The following ARL15 variants were observed in gnomAD, a reference collection of about 807,000 sequenced individuals.
ARL15 encodes ARF like GTPase 15.
In ARL15, 19 loss-of-function variants were observed where a neutral mutation model predicts 25.2. That is an observed-to-expected ratio of 0.75 (90% CI 0.53 to 1.10). The LOEUF is 1.10. Among genes scored for constraint, ARL15 ranks in the 50% least tolerant of loss-of-function variants. The pLI is 0.00. For missense variants in ARL15, 220 were observed against 246.0 expected (o/e 0.89, Z 0.71); for synonymous variants, 94 against 86.8 (o/e 1.08, Z -0.46).
Position 54,113,013 on chromosome 5 carries a change from G to A in ARL15, c.462+189C>T, listed in dbSNP as rs377279846. On this transcript the variant is annotated intron_variant, in intron 4 of 4. Transcript: ENST00000504924. ...AGCTAGAAAACTCTGTGCTCTCCAA[G>A]TAGGGTTAGGTATGTAAACAAGTGC... 211 of 566,956 alleles carry A rather than the reference G, an allele frequency of 3.7e-4. 4 individuals carry two copies. The South Asian group carries it at 4.7e-3, about 13-fold the overall frequency. The allele number at this position is 566,956 out of a possible 1,614,324, so 35.1% of individuals were successfully genotyped here.
At chr5:53,893,326 G>T (rs1016875381) in intron 4 of ARL15, among the ~76,000 whole-genome samples, 5 of 126,728 alleles carry the variant, frequency 3.9e-5, no homozygotes, top group African/African-American at 1.3e-4. Flanking sequence ...ACACATTTAG[G>T]CTGGGCACGG....
In ARL15 at chr5:53,971,479, G is replaced by A. The variant is rs76035859; in HGVS notation, c.463-84766C>T. On this transcript the variant is annotated intron_variant, in intron 4 of 4. Coordinates refer to ENST00000504924, the MANE Select transcript of ARL15 (RefSeq NM_019087.3). ...AATAATAACAAAAATACTCAGAAGT[G>A]ACCAATGCTATCTCTGTAGCACTAA... Among the ~76,000 whole-genome samples, 250 of 152,196 alleles carry A rather than the reference G, an allele frequency of 1.6e-3. 5 individuals are homozygous for A. In the East Asian group the frequency reaches 0.04, roughly 24 times the overall value.
chr5:54,015,582 T>C lies in ARL15; in HGVS notation c.462+97620A>G, dbSNP rs535118187. Among the ~76,000 whole-genome samples the C allele has an allele frequency of 1.1e-4, 17 of 152,354 alleles. No individual in the cohort carries two copies. The South Asian group carries it at 3.3e-3, about 30-fold the overall frequency. On this transcript the variant is annotated intron_variant, in intron 4 of 4. Transcript: ENST00000504924. ...TTAGAGTTGGGACACTTTTTAATAA[T>C]GTTACCTTAATCATTCCACTATTGA... is the stretch of plus-strand genomic sequence containing the variant.
intron 3 of ARL15, among the ~76,000 whole-genome samples, chr5:54,136,815 C>T (rs1421175041): frequency 6.6e-6 from 1 of 151,746 alleles, no homozygotes; most frequent in East Asian, 1.9e-4. Context: ...CATAGTACTG[C>T]CAGGACTGTC....
At chr5:53,912,749 T>C (rs1470158648) in intron 4 of ARL15, among the ~76,000 whole-genome samples, 1 of 152,158 alleles carries the variant, frequency 6.6e-6, no homozygotes, top group African/African-American at 2.4e-5. Flanking sequence ...CCCTCAGTGA[T>C]CTGAATTCAA....
intron 1 of ARL15, among the ~76,000 whole-genome samples, chr5:54,235,489 T>C (rs1450909133): frequency 7.9e-6 from 1 of 126,392 alleles, no homozygotes; most frequent in Non-Finnish European, 1.7e-5. Context: ...AATTCTATAG[T>C]TAAACCTTTT....
Position 54,113,311 on chromosome 5 carries a change from G to C in ARL15, c.353C>G (p.Ala118Gly). ...DSASSEDDLE[A>G]ARNELHSALQ... ...AGCTGAGTGCAGCTCATTTCTAGCA[G>C]CTTCTAAATCATCCTCTGAAGAGGC... The change falls in exon 4 of 5, where the codon GCT becomes GGT. Residue 118 changes from alanine to glycine, a missense_variant. Coordinates refer to ENST00000504924, the MANE Select transcript of ARL15 (RefSeq NM_019087.3). 6.2e-7 allele frequency: 1 copy of C among 1,613,958 alleles called. No individual in the cohort carries two copies. The highest frequency in any genetic ancestry group is 8.5e-7 in the Non-Finnish European group (1 of 1,179,868).
At chr5:54,040,267 T>C (rs1750296391) in intron 4 of ARL15, among the ~76,000 whole-genome samples, 1 of 152,238 alleles carries the variant, frequency 6.6e-6, no homozygotes, top group African/African-American at 2.4e-5. Flanking sequence ...ATATCAGCAA[T>C]GCACTTTGTC....
chr5:53,938,236 G>C (rs775576420), intron 4 of ARL15, among the ~76,000 whole-genome samples: 1 of 123,372 alleles, frequency 8.1e-6, no homozygotes, highest in Non-Finnish European at 1.7e-5. Flanking sequence ...TTTCTCCTTG[G>C]TTAACATTCT....
intron 4 of ARL15, among the ~76,000 whole-genome samples, chr5:53,918,518 G>A (rs1477867267): frequency 6.6e-6 from 1 of 152,056 alleles, no homozygotes. Flanking sequence ...AAAGGTATCT[G>A]TCAATTGCAT....
At chr5:53,963,545 C>T (rs551650208) in intron 4 of ARL15, among the ~76,000 whole-genome samples, 5 of 152,264 alleles carry the variant, frequency 3.3e-5, no homozygotes, top group African/African-American at 7.2e-5. Flanking sequence ...CAGTGGCTCA[C>T]GCCTGTAATT....
intron 4 of ARL15, among the ~76,000 whole-genome samples, chr5:54,073,470 C>A (rs1751485176): frequency 6.6e-6 from 1 of 152,142 alleles, no homozygotes; most frequent in African/African-American, 2.4e-5. Flanking sequence ...GTGGGATGTA[C>A]TGACATATAG....
At chr5:54,181,393 T>A (rs1443140833) in intron 1 of ARL15, among the ~76,000 whole-genome samples, 1 of 152,176 alleles carries the variant, frequency 6.6e-6, no homozygotes, top group Non-Finnish European at 1.5e-5. Flanking sequence ...AATCAGGGCC[T>A]CATCTAGGTC....
chr5:54,178,293 G>A (rs935930923), intron 1 of ARL15, among the ~76,000 whole-genome samples: 4 of 152,206 alleles, frequency 2.6e-5, no homozygotes, highest in Admixed American at 2.6e-4. Flanking sequence ...ATTTTATTCT[G>A]AGCATGATTT....
chr5:53,903,178 A>C (rs1381736288), intron 4 of ARL15, among the ~76,000 whole-genome samples: 2 of 152,210 alleles, frequency 1.3e-5, no homozygotes, highest in Non-Finnish European at 1.5e-5. Flanking sequence ...TCTCAAGAAC[A>C]TTCTAATCAG....
At chr5:53,960,524 T>G (rs184588383) in intron 4 of ARL15, among the ~76,000 whole-genome samples, 1 of 152,210 alleles carries the variant, frequency 6.6e-6, no homozygotes, top group South Asian at 2.1e-4. Context: ...CTCCTTTCTA[T>G]TCTGTTGTGA....
At chr5:54,294,243 C>T (rs1758412624) in intron 1 of ARL15, among the ~76,000 whole-genome samples, 1 of 152,230 alleles carries the variant, frequency 6.6e-6, no homozygotes, top group African/African-American at 2.4e-5. Flanking sequence ...ATCCAGTCCA[C>T]TGCCTGGTTT....
chr5:53,926,655 A>C (rs1580087402), intron 4 of ARL15, among the ~76,000 whole-genome samples: 1 of 151,772 alleles, frequency 6.6e-6, no homozygotes, highest in African/African-American at 2.4e-5. Context: ...TACGCCAATC[A>C]AAAAAACCAT....
intron 4 of ARL15, among the ~76,000 whole-genome samples, chr5:54,004,761 G>A (rs4351101): frequency 0.28 from 41,811 of 151,166 alleles, 5,949 homozygotes; most frequent in East Asian, 0.45. Flanking sequence ...GAGCATCTGC[G>A]ATTACATGTG....
Sources: allele counts gnomAD v4.1 joint callset (sites outside exome capture counted in the v4.1 genomes callset), GRCh38; gene constraint gnomAD v4.1.1; transcripts MANE v1.5; gene names NCBI Gene and HGNC (gene_info 2026-07-23, HGNC 2026-07-21).